The following TTLL7 variants were observed in gnomAD, a reference collection of about 807,000 sequenced individuals.
TTLL7 encodes the protein tubulin polyglutamylase TTLL7.
In TTLL7, 53 loss-of-function variants were observed where a neutral mutation model predicts 120.2. The ratio of observed to expected loss-of-function variants is 0.44; its 90% CI spans 0.35 to 0.55. TTLL7 has a LOEUF of 0.55. Among genes scored for constraint, TTLL7 ranks in the 20% least tolerant of loss-of-function variants. The pLI, the probability that TTLL7 is intolerant of heterozygous loss-of-function variation, is 0.00. For synonymous variants in TTLL7, 353 were observed against 351.7 expected (o/e 1.00, Z -0.04); for missense variants, 803 against 1,054.7 (o/e 0.76, Z 3.31).
At chr1:83,964,095 T>A (rs1438447115) in intron 1 of TTLL7, among the ~76,000 whole-genome samples, 1 of 152,148 alleles carries the variant, frequency 6.6e-6, no homozygotes, top group African/African-American at 2.4e-5. Context: ...AACAAAATAC[T>A]AATAGACTTT....
chr1:83,871,633 C>T (rs948607184), intron 20 of TTLL7, among the ~76,000 whole-genome samples: 7 of 151,908 alleles, frequency 4.6e-5, no homozygotes, highest in Non-Finnish European at 7.4e-5. Context: ...CGGTGGCTCA[C>T]GCCTGTAATC....
At chr1:83,887,196 T>A (rs1655041751) in intron 19 of TTLL7, 1 of 1,130,424 alleles carries the variant, frequency 8.8e-7, no homozygotes, top group Non-Finnish European at 1.1e-6. Context: ...TTATTGGGAA[T>A]GTTGACAGGC....
chr1:83,997,843 A>G (rs1280025610), intron 1 of TTLL7, among the ~76,000 whole-genome samples: 1 of 152,156 alleles, frequency 6.6e-6, no homozygotes, highest in African/African-American at 2.4e-5. Context: ...ACCAAATATC[A>G]CTGCCAAAAA....
intron 18 of TTLL7, 140 bp from the exon 19 acceptor site, chr1:83,890,621 T>A: frequency 1.7e-6 from 1 of 593,912 alleles, no homozygotes; most frequent in Non-Finnish European, 2.7e-6. Flanking sequence ...GTTTTAAAAA[T>A]TAGCCTGGCA....
chr1:83,933,820 T>G, intron 8 of TTLL7, 54 bp from the exon 9 acceptor site: 3 of 1,547,306 alleles, frequency 1.9e-6, no homozygotes. Flanking sequence ...ATTTCATATG[T>G]GCAAATATAA....
At chr1:83,933,917 TCTTACCCCTGCCCA>T in intron 8 of TTLL7, 151 bp from the exon 9 acceptor site, 1 of 673,166 alleles carries the variant, frequency 1.5e-6, no homozygotes, top group Non-Finnish European at 2.5e-6. Context: ...CATTCTTCAC[TCTTACCCCTGCCCA>T]CTGCACTCCT....
chr1:83,912,201 T>A (rs1657740600), intron 14 of TTLL7, among the ~76,000 whole-genome samples: 1 of 152,136 alleles, frequency 6.6e-6, no homozygotes, highest in African/African-American at 2.4e-5. Flanking sequence ...GGAGGAAGGA[T>A]AAATTTCTCT....
intron 13 of TTLL7, among the ~76,000 whole-genome samples, chr1:83,919,259 A>AGTGT (rs111745254): frequency 0.031 from 4,553 of 147,010 alleles, 184 homozygotes; most frequent in African/African-American, 0.088. Flanking sequence ...TACAGATTAG[A>AGTGT]GTGTGTGTGT....
Position 83,919,739 on chromosome 1 carries a change from G to A in TTLL7, c.1460C>T (p.Ser487Leu). Reference protein sequence around the residue: ...FQTFLSGRAASFQRELNNPLK... With the variant: ...FQTFLSGRAALFQRELNNPLK... ...AGGATTATTCAACTCTCGCTGGAAT[G>A]AAGCTGCTCTTCCTGAAAGGAAGGT... is the stretch of plus-strand genomic sequence containing the variant. Residue 487 changes from serine (S) to leucine (L), a missense_variant, in exon 13 of 21, where the codon TCA becomes TTA. Ser to Leu is a moderately radical substitution (Grantham distance 145). Coordinates refer to ENST00000260505, the MANE Select transcript of TTLL7 (RefSeq NM_024686.6). The A allele has an allele frequency of 6.2e-7, 1 of 1,612,908 alleles. No homozygotes were observed. The highest frequency in any genetic ancestry group is 8.5e-7 in the Non-Finnish European group (1 of 1,179,422).
intron 7 of TTLL7, among the ~76,000 whole-genome samples, chr1:83,942,107 C>G (rs527301576): frequency 6.6e-6 from 1 of 152,270 alleles, no homozygotes; most frequent in South Asian, 2.1e-4. Context: ...CAACACAGCT[C>G]CAAAACACTT....
chr1:83,920,305 T>C (rs1047837716), intron 12 of TTLL7, among the ~76,000 whole-genome samples: 1 of 151,964 alleles, frequency 6.6e-6, no homozygotes, highest in South Asian at 2.1e-4. Flanking sequence ...ATACTGAACT[T>C]TATAGGAGAG....
At chr1:83,890,026 C>G in intron 19 of TTLL7, 2 of 501,386 alleles carry the variant, frequency 4.0e-6, no homozygotes, top group Non-Finnish European at 3.9e-6. Flanking sequence ...AGAAGTGTAG[C>G]CATAATTTTA....
chr1:83,964,172 T>G (rs996818628), intron 1 of TTLL7, among the ~76,000 whole-genome samples: 4 of 152,136 alleles, frequency 2.6e-5, no homozygotes, highest in African/African-American at 9.6e-5. Flanking sequence ...TAGCTCACTT[T>G]AAAATAAGAA....
intron 1 of TTLL7, among the ~76,000 whole-genome samples, chr1:83,974,714 T>C (rs906275832): frequency 1.3e-5 from 2 of 152,010 alleles, no homozygotes; most frequent in African/African-American, 4.8e-5. Context: ...TATCAATACA[T>C]CCCTGCTAAA....
intron 1 of TTLL7, among the ~76,000 whole-genome samples, chr1:83,954,192 A>G (rs773038160): frequency 6.6e-6 from 1 of 152,180 alleles, no homozygotes; most frequent in Non-Finnish European, 1.5e-5. Flanking sequence ...AACAAGCTTC[A>G]CCTAACTATA....
chr1:83,974,185 C>T (rs543697726), intron 1 of TTLL7, among the ~76,000 whole-genome samples: 31 of 152,012 alleles, frequency 2.0e-4, no homozygotes, highest in Middle Eastern at 6.8e-3. Flanking sequence ...ATTTATAAAT[C>T]CATTTCATGG....
At chr1:83,993,145 T>C (rs577215514) in intron 1 of TTLL7, among the ~76,000 whole-genome samples, 7 of 152,096 alleles carry the variant, frequency 4.6e-5, no homozygotes, top group Non-Finnish European at 1.5e-5. Context: ...TAAAGAAGAT[T>C]TTACACAATA....
intron 1 of TTLL7, among the ~76,000 whole-genome samples, chr1:83,974,224 A>G (rs971697745): frequency 2.6e-5 from 4 of 152,024 alleles, no homozygotes; most frequent in Admixed American, 6.6e-5. Flanking sequence ...TTGAATGCAT[A>G]CTAAGTATTA....
At chr1:83,919,903 C>G (rs778886509) in intron 12 of TTLL7, 69 bp from the exon 13 acceptor site, 18 of 1,461,692 alleles carry the variant, frequency 1.2e-5, no homozygotes, top group Non-Finnish European at 1.7e-5. Context: ...AACATCAACT[C>G]CATAGACAAT....
Sources: gnomAD v4.1 joint callset for allele counts (sites outside exome capture counted in the v4.1 genomes callset) on GRCh38, gnomAD v4.1.1 for gene constraint, MANE v1.5 for transcripts, NCBI Gene and HGNC (gene_info 2026-07-23, HGNC 2026-07-21) for gene names.